RASA2: variants seen among roughly 807,000 people sequenced by gnomAD.
RASA2 encodes the protein RAS p21 protein activator 2, also known as ras GTPase-activating protein 2.
A neutral mutation model predicts 118.2 loss-of-function variants in RASA2; 155 were observed. The observed-to-expected ratio is 1.31, with a 90% CI of 1.15 to 1.50. The LOEUF (loss-of-function observed/expected upper bound fraction) is 1.50, where lower values mean the gene tolerates loss of function less well. RASA2 is among the 40% of genes most tolerant of loss of function. The pLI is 0.00. For missense variants in RASA2, 1,016 were observed against 1,009.6 expected, an observed-to-expected ratio of 1.01 and a Z score of -0.09; for synonymous variants, 353 against 349.1, an observed-to-expected ratio of 1.01 and a Z score of -0.12.
intron 19 of RASA2, among the ~76,000 whole-genome samples, chr3:141,604,822 G>T (rs2083521886): frequency 6.6e-6 from 1 of 151,528 alleles, no homozygotes; most frequent in Non-Finnish European, 1.5e-5. Flanking sequence ...GAGTTAATGG[G>T]TGCAGCACAC....
intron 3 of RASA2, among the ~76,000 whole-genome samples, chr3:141,516,661 T>C (rs2082031176): frequency 6.6e-6 from 1 of 152,224 alleles, no homozygotes; most frequent in South Asian, 2.1e-4. Flanking sequence ...TCATATGTTT[T>C]TATAATTCCT....
intron 1 of RASA2, among the ~76,000 whole-genome samples, chr3:141,509,299 C>T (rs2081914401): frequency 6.6e-6 from 1 of 152,074 alleles, no homozygotes; most frequent in African/African-American, 2.4e-5. Flanking sequence ...TTTATTTATT[C>T]TGGATAAATA....
At chr3:141,586,875 T>C (rs756349650) in intron 19 of RASA2, 123 bp downstream of exon 19, 1 of 781,348 alleles carries the variant, frequency 1.3e-6, no homozygotes, top group Non-Finnish European at 2.2e-6. Context: ...TTTCTCACAC[T>C]GATACATACG....
chr3:141,614,279 C>T lies in RASA2; in HGVS notation c.*1966C>T, dbSNP rs2083694972. On this transcript the variant is annotated 3_prime_UTR_variant, in exon 24 of 24. Coordinates refer to ENST00000286364, the MANE Select transcript of RASA2 (RefSeq NM_006506.5). ...GGATTTGAAAGGAGGAGAGTTCAGCCATCTAGTTCTTTTCTTCACATGACA... is the reference window on the plus strand; with the variant it reads ...GGATTTGAAAGGAGGAGAGTTCAGCTATCTAGTTCTTTTCTTCACATGACA... The T allele has an allele frequency of 6.6e-6, 1 of 152,098 alleles. No individual in the cohort carries two copies. Among genetic ancestry groups the T allele is most frequent in the Non-Finnish European group, 1.5e-5 (1 of 68,002 alleles). The allele number at this position is 152,098 out of a possible 1,614,324, so 9.4% of individuals were successfully genotyped here.
At chr3:141,512,064 C>T (rs1220294033) in intron 1 of RASA2, 99 bp from the exon 2 acceptor site, 5 of 746,570 alleles carry the variant, frequency 6.7e-6, no homozygotes, top group African/African-American at 3.7e-5. Flanking sequence ...TTTTCTGTGC[C>T]ACATTAATAT....
intron 19 of RASA2, among the ~76,000 whole-genome samples, chr3:141,603,035 C>T (rs1176199668): frequency 6.6e-6 from 1 of 152,100 alleles, no homozygotes; most frequent in African/African-American, 2.4e-5. Flanking sequence ...ATGGAAACAC[C>T]CCCAGGTAGG....
chr3:141,504,065 C>G (rs144811241), intron 1 of RASA2, among the ~76,000 whole-genome samples: 181 of 152,300 alleles, frequency 1.2e-3, no homozygotes, highest in African/African-American at 4.3e-3. Flanking sequence ...GCAGCTGTTT[C>G]ATTATATATT....
intron 1 of RASA2, among the ~76,000 whole-genome samples, chr3:141,488,658 AC>A (rs1466183230): frequency 4.0e-5 from 6 of 151,740 alleles, no homozygotes; most frequent in Admixed American, 3.3e-4. Context: ...AGGGCATAAA[AC>A]CTTTTCAGAA....
At chr3:141,589,083 G>GC (rs2083249589) in intron 19 of RASA2, among the ~76,000 whole-genome samples, 1 of 151,960 alleles carries the variant, frequency 6.6e-6, no homozygotes, top group Non-Finnish European at 1.5e-5. Context: ...CTCGTGACCT[G>GC]CCCCCTCAGC....
chr3:141,512,200 C>G lies in RASA2; in HGVS notation c.171C>G (p.His57Gln). Residue 57 changes from histidine (H) to glutamine (Q), a missense_variant, in exon 2 of 24, where the codon CAC becomes CAG. Physicochemically the swap from His to Gln is conservative, Grantham distance 24. Coordinates refer to ENST00000286364, the MANE Select transcript of RASA2 (RefSeq NM_006506.5). ...ATTTATTGCCATATCTTGGACCCCACAAAATGAGAGATTGTTTCTGTACCA... is the reference window on the plus strand; with the variant it reads ...ATTTATTGCCATATCTTGGACCCCAGAAAATGAGAGATTGTTTCTGTACCA... ...AKNLLPYLGP[H>Q]KMRDCFCTIN... The G allele has an allele frequency of 6.2e-7, 1 of 1,605,572 alleles. No homozygotes were observed. The highest frequency in any genetic ancestry group is 8.5e-7 in the Non-Finnish European group (1 of 1,177,716).
intron 14 of RASA2, among the ~76,000 whole-genome samples, chr3:141,575,940 G>C (rs1430014841): frequency 6.6e-6 from 1 of 152,086 alleles, no homozygotes; most frequent in East Asian, 1.9e-4. Flanking sequence ...TCCACGCCTG[G>C]CTAATTTTGT....
chr3:141,611,824 A>G (rs374091973), intron 23 of RASA2, among the ~76,000 whole-genome samples: 178 of 152,250 alleles, frequency 1.2e-3, no homozygotes, highest in African/African-American at 4.1e-3. Context: ...TCTTTTCTGT[A>G]TTAATGTAAT....
intron 17 of RASA2, among the ~76,000 whole-genome samples, chr3:141,582,174 A>G (rs2083124415): frequency 6.6e-6 from 1 of 152,192 alleles, no homozygotes. Flanking sequence ...TATTTTGTTG[A>G]GATACATGTT....
chr3:141,556,446 T>C (rs2082651355), intron 7 of RASA2, among the ~76,000 whole-genome samples: 1 of 152,182 alleles, frequency 6.6e-6, no homozygotes, highest in Non-Finnish European at 1.5e-5. Flanking sequence ...GACCATAAAA[T>C]ACTTTATGAT....
Position 141,609,936 on chromosome 3 carries a change from A to C in RASA2, c.2389A>C (p.Asn797His). ...GPQKEPDDYS[N>H]FVIEDSVTTF... ...ACAGAAAGAGCCTGATGATTATTCT[A>C]ACTTTGTAATCGAGGATTCTGTAAC... Residue 797 changes from asparagine (N) to histidine (H), a missense_variant, in exon 23 of 24, where the codon AAC (asparagine) becomes CAC (histidine). Asn to His is a moderately conservative substitution (Grantham distance 68). Around this residue, in one of 2 missense-constraint regions of RASA2, gnomAD observed 120 missense variants for 173.2 expected, o/e 0.69. Coordinates refer to ENST00000286364, the MANE Select transcript of RASA2 (RefSeq NM_006506.5). 6.2e-7 allele frequency: 1 copy of C among 1,606,494 alleles called. No homozygotes were observed. Among genetic ancestry groups the C allele is most frequent in the South Asian group, 1.1e-5 (1 of 89,298 alleles).
rs1451434475 is a variant in RASA2, at chr3:141,585,063, CA to C, written c.1753-957del. On this transcript the variant is annotated intron_variant, in intron 17 of 23. Coordinates refer to ENST00000286364, the MANE Select transcript of RASA2 (RefSeq NM_006506.5). ...TCAACCTGTATTCTTATGGGCCTTA[CA>C]AAAACAGGCTACAGGTCAAACGTGG... Among the ~76,000 whole-genome samples the C allele has an allele frequency of 2.0e-5, 3 of 152,098 alleles. No individual in the cohort carries two copies. The East Asian group carries it at 5.8e-4, about 29-fold the overall frequency.
chr3:141,575,382 A>T (rs893370869), intron 14 of RASA2, among the ~76,000 whole-genome samples: 2 of 152,254 alleles, frequency 1.3e-5, no homozygotes, highest in African/African-American at 4.8e-5. Context: ...TAATCTTCAT[A>T]ACAAAAATAA....
intron 3 of RASA2, among the ~76,000 whole-genome samples, chr3:141,521,690 G>C (rs1290248448): frequency 1.3e-5 from 2 of 152,044 alleles, no homozygotes; most frequent in Non-Finnish European, 2.9e-5. Flanking sequence ...GTAACTGTTG[G>C]TGTGATAACT....
chr3:141,510,717 A>G (rs1415355138), intron 1 of RASA2, among the ~76,000 whole-genome samples: 1 of 152,200 alleles, frequency 6.6e-6, no homozygotes, highest in Non-Finnish European at 1.5e-5. Flanking sequence ...AGCATTCCAG[A>G]CAAAAGCCCT....
Sources: allele counts gnomAD v4.1 joint callset (sites outside exome capture counted in the v4.1 genomes callset), GRCh38; gene constraint gnomAD v4.1.1; regional missense constraint gnomAD v4.1.1; transcripts MANE v1.5; gene names NCBI Gene and HGNC (gene_info 2026-07-23, HGNC 2026-07-21).